The following CTNNA3 variants were observed in gnomAD, a reference collection of about 807,000 sequenced individuals.
CTNNA3 encodes catenin alpha 3, also known as catenin alpha-3.
Under a neutral mutation model 95.7 loss-of-function variants are expected in CTNNA3, and 76 were observed. That is an observed-to-expected ratio of 0.79 (90% CI 0.66 to 0.96). The LOEUF is 0.96. Ranked by LOEUF, CTNNA3 falls within the 40% of genes least tolerant of loss-of-function variation. CTNNA3 has a pLI of 0.00. For synonymous variants in CTNNA3, 431 were observed against 374.4 expected (o/e 1.15, Z -1.74); for missense variants, 1,191 against 1,089.8 (o/e 1.09, Z -1.31).
At chr10:66,508,929 A>G (rs1011967712) in intron 11 of CTNNA3, among the ~76,000 whole-genome samples, 1 of 152,080 alleles carries the variant, frequency 6.6e-6, no homozygotes, top group African/African-American at 2.4e-5. Context: ...ATCATATGGA[A>G]GTCCTATTTG....
intron 5 of CTNNA3, among the ~76,000 whole-genome samples, chr10:67,512,611 C>T (rs1012371969): frequency 1.3e-5 from 2 of 151,716 alleles, no homozygotes; most frequent in African/African-American, 2.4e-5. Flanking sequence ...TGTGTATCCA[C>T]GATAAAGTGG....
intron 7 of CTNNA3, among the ~76,000 whole-genome samples, chr10:67,062,780 C>T (rs896048756): frequency 1.3e-5 from 2 of 152,136 alleles, no homozygotes; most frequent in Non-Finnish European, 2.9e-5. Context: ...ATGAGGTACA[C>T]TTGCAAAAGA....
At chr10:67,503,895 T>G (rs1909658) in intron 5 of CTNNA3, among the ~76,000 whole-genome samples, 1 of 152,046 alleles carries the variant, frequency 6.6e-6, no homozygotes. Flanking sequence ...CGGTGGCTCA[T>G]GCCTGTAATC....
chr10:66,147,043 A>T (rs1320924892), intron 13 of CTNNA3, among the ~76,000 whole-genome samples: 1 of 152,118 alleles, frequency 6.6e-6, no homozygotes, highest in East Asian at 1.9e-4. Context: ...GAAGGTTGAA[A>T]TTTTTTGGTT....
intron 7 of CTNNA3, among the ~76,000 whole-genome samples, chr10:66,899,804 A>C (rs1845659440): frequency 6.6e-6 from 1 of 152,080 alleles, no homozygotes; most frequent in Non-Finnish European, 1.5e-5. Context: ...GGGGAGAAGC[A>C]TCTGCCACTG....
chr10:67,663,373 A>AT (rs1840244633), intron 1 of CTNNA3, among the ~76,000 whole-genome samples: 1 of 151,118 alleles, frequency 6.6e-6, no homozygotes, highest in South Asian at 2.1e-4. Context: ...CTGAGGTTTT[A>AT]TTTTGGACCA....
intron 7 of CTNNA3, among the ~76,000 whole-genome samples, chr10:66,786,253 T>G (rs1327189441): frequency 6.6e-6 from 1 of 152,124 alleles, no homozygotes; most frequent in East Asian, 1.9e-4. Context: ...AATTACCAGC[T>G]TGGGGCACTG....
At chr10:67,276,135 A>G (rs1215889693) in intron 5 of CTNNA3, among the ~76,000 whole-genome samples, 2 of 152,170 alleles carry the variant, frequency 1.3e-5, no homozygotes, top group African/African-American at 4.8e-5. Context: ...CTAGTTGCAA[A>G]TTAAATCTGC....
At chr10:67,438,920 G>C (rs1015767984) in intron 5 of CTNNA3, among the ~76,000 whole-genome samples, 4 of 152,212 alleles carry the variant, frequency 2.6e-5, no homozygotes, top group African/African-American at 9.6e-5. Context: ...TGAGTTTCTT[G>C]ACAAACATCA....
At chr10:67,738,177 C>T (rs1349064780) in intron 1 of CTNNA3, among the ~76,000 whole-genome samples, 2 of 152,090 alleles carry the variant, frequency 1.3e-5, no homozygotes, top group African/African-American at 4.8e-5. Context: ...CAGGAGGGGC[C>T]GAAAGACACC....
chr10:67,651,180 C>T (rs946451785), intron 1 of CTNNA3, among the ~76,000 whole-genome samples: 6 of 151,896 alleles, frequency 4.0e-5, no homozygotes, highest in African/African-American at 1.5e-4. Context: ...AAGGTGATGG[C>T]TGATTCTCCT....
chr10:67,298,318 C>T (rs1228686894), intron 5 of CTNNA3, among the ~76,000 whole-genome samples: 3 of 152,182 alleles, frequency 2.0e-5, no homozygotes, highest in Non-Finnish European at 2.9e-5. Flanking sequence ...ATTCAAAATC[C>T]GAAGTGTCTC....
At chr10:66,689,561 T>C (rs1847437339) in intron 9 of CTNNA3, among the ~76,000 whole-genome samples, 1 of 152,208 alleles carries the variant, frequency 6.6e-6, no homozygotes, top group Non-Finnish European at 1.5e-5. Flanking sequence ...ATATTAATTA[T>C]ATCATATTAA....
intron 5 of CTNNA3, among the ~76,000 whole-genome samples, chr10:67,322,310 T>C (rs1001187338): frequency 6.6e-6 from 1 of 152,104 alleles, no homozygotes; most frequent in Non-Finnish European, 1.5e-5. Flanking sequence ...GTTGTAGAGA[T>C]TATTTCATCA....
chr10:67,299,945 T>C (rs1426926341), intron 5 of CTNNA3, among the ~76,000 whole-genome samples: 1 of 152,228 alleles, frequency 6.6e-6, no homozygotes, highest in Non-Finnish European at 1.5e-5. Context: ...TGCACATGTA[T>C]TTCATTCTTA....
At chr10:67,568,465 A>ATGTGTG (rs61162014) in intron 3 of CTNNA3, among the ~76,000 whole-genome samples, 1 of 150,070 alleles carries the variant, frequency 6.7e-6, no homozygotes, top group African/African-American at 2.4e-5. Context: ...GTATATATAT[A>ATGTGTG]TGTGTGTGTG....
intron 5 of CTNNA3, among the ~76,000 whole-genome samples, chr10:67,387,641 T>C (rs565869554): frequency 0.014 from 2,110 of 152,294 alleles, 41 homozygotes; most frequent in African/African-American, 0.043. Context: ...CAGTAACCTC[T>C]GCAGACTTAA....
intron 3 of CTNNA3, among the ~76,000 whole-genome samples, chr10:67,604,058 G>A (rs1589477744): frequency 6.6e-6 from 1 of 152,276 alleles, no homozygotes; most frequent in Middle Eastern, 3.4e-3. Flanking sequence ...ATTGCTGGCA[G>A]CATTCAGTAT....
chr10:65,995,047 C>T lies in CTNNA3; in HGVS notation c.2160-6250G>A, dbSNP rs1036210933. On this transcript the variant is annotated intron_variant, in intron 15 of 17. Transcript: ENST00000433211. ...ACATTGGTAAATTTCTCATTATGTT[C>T]TTAATTGTCTTTTCTGATTTTTTTT... 7.3e-5 allele frequency among the ~76,000 whole-genome samples: 11 copies of T among 151,236 alleles called. No homozygotes were observed. The East Asian group carries it at 1.7e-3, about 24-fold the overall frequency.
Sources: gnomAD v4.1 joint callset for allele counts (sites outside exome capture counted in the v4.1 genomes callset) on GRCh38, gnomAD v4.1.1 for gene constraint, MANE v1.5 for transcripts, NCBI Gene and HGNC (gene_info 2026-07-23, HGNC 2026-07-21) for gene names.